SLC8A1: variants seen among roughly 807,000 people sequenced by gnomAD.
The protein encoded by SLC8A1 is solute carrier family 8 member A1.
SLC8A1 carries 18 observed loss-of-function variants against 68.3 expected under a neutral mutation model. That is an observed-to-expected ratio of 0.26 (90% confidence interval 0.18 to 0.39). The LOEUF (loss-of-function observed/expected upper bound fraction) is 0.39, where lower values mean the gene tolerates loss of function less well. Ranked by LOEUF, SLC8A1 falls within the 10% of genes least tolerant of loss-of-function variation. The probability of loss-of-function intolerance (pLI) is 1.00; values close to 1 mark genes in which losing one functional copy is unlikely to be tolerated. For synonymous variants in SLC8A1, 475 were observed against 415.5 expected (o/e 1.14, Z -1.74); for missense variants, 985 against 1,156.7 (o/e 0.85, Z 2.15).
At chr2:40,170,224 T>TAACA in intron 4 of SLC8A1, 57 bp downstream of exon 7, 1 of 1,461,968 alleles carries the variant, frequency 6.8e-7, no homozygotes, top group Non-Finnish European at 9.6e-7. Flanking sequence ...GTAATGTCTC[T>TAACA]AACATTAAAG....
intron 6 of SLC8A1, among the ~76,000 whole-genome samples, chr2:40,149,202 G>T (rs1024861062): frequency 1.3e-5 from 2 of 152,180 alleles, no homozygotes; most frequent in African/African-American, 4.8e-5. Flanking sequence ...GGAATGGGAT[G>T]GTTGGAAGAC....
rs554035090 is a variant in SLC8A1 at position 40,296,045 on chromosome 2, T to C, written c.1809-118190A>G. On this transcript the variant is annotated intron_variant, in intron 2 of 7. Transcript: ENST00000406785. ...TTGTGTTTATTGTCTATAGAGCTTG[T>C]TATTGCTCTTGGGTTTTTGGCTACA... Among the ~76,000 whole-genome samples the C allele has an allele frequency of 3.9e-5, 6 of 152,274 alleles. No individual in the cohort carries two copies. The South Asian group carries it at 1.2e-3, about 32-fold the overall frequency.
rs72558063 is a variant in SLC8A1, at chr2:40,178,620, C to T, written c.1809-765G>A. On this transcript the variant is annotated intron_variant, in intron 2 of 7. Coordinates refer to ENST00000406785, the Ensembl canonical transcript of SLC8A1. ...AAACAGTAATCGAGAAACTTCTGTA[C>T]TGTGAGTTTTTTCTTCAAGAATGGG... The T allele has an allele frequency of 5.2e-3, 3,919 of 756,490 alleles. 168 individuals carry two copies. The East Asian group carries it at 0.091, about 18-fold the overall frequency. 46.9% of individuals were successfully genotyped at this position (756,490 alleles called of 1,614,324 possible).
intron 2 of SLC8A1, among the ~76,000 whole-genome samples, chr2:40,357,257 C>T (rs1475590093): frequency 3.3e-5 from 5 of 151,970 alleles, no homozygotes; most frequent in East Asian, 1.9e-4. Flanking sequence ...TTTGGGAGGC[C>T]GAAGCAGGAG....
chr2:40,160,686 TA>T, intron 6 of SLC8A1, 78 bp downstream of exon 9: 1 of 1,278,356 alleles, frequency 7.8e-7, no homozygotes, highest in Admixed American at 1.7e-5. Context: ...TGCTTTGCCA[TA>T]GACCAAGTAG....
intron 1 of SLC8A1, among the ~76,000 whole-genome samples, chr2:40,490,088 A>G (rs1002736047): frequency 6.6e-6 from 1 of 152,118 alleles, no homozygotes; most frequent in Non-Finnish European, 1.5e-5. Flanking sequence ...AAGCATATGT[A>G]AGATTTTCTT....
intron 1 of SLC8A1, among the ~76,000 whole-genome samples, chr2:40,433,986 G>C (rs1698906942): frequency 6.6e-6 from 1 of 152,146 alleles, no homozygotes; most frequent in African/African-American, 2.4e-5. Context: ...CATGTTCCTA[G>C]AGACAGCTGC....
At chr2:40,248,922 G>A (rs2062294127) in intron 2 of SLC8A1, among the ~76,000 whole-genome samples, 1 of 152,154 alleles carries the variant, frequency 6.6e-6, no homozygotes, top group Non-Finnish European at 1.5e-5. Context: ...CAAACAAAAA[G>A]TCTTCACCTC....
intron 2 of SLC8A1, among the ~76,000 whole-genome samples, chr2:40,374,789 T>C (rs1679267879): frequency 6.6e-6 from 1 of 152,078 alleles, no homozygotes; most frequent in Non-Finnish European, 1.5e-5. Context: ...CACATGGTGA[T>C]AATAAACCAT....
intron 1 of SLC8A1, among the ~76,000 whole-genome samples, chr2:40,501,516 G>T (rs1199182620): frequency 2.0e-5 from 3 of 152,046 alleles, no homozygotes; most frequent in Non-Finnish European, 4.4e-5. Flanking sequence ...TGACCTGTAT[G>T]CTTCTTTTGA....
intron 2 of SLC8A1, among the ~76,000 whole-genome samples, chr2:40,347,195 T>G (rs1186101055): frequency 6.6e-6 from 1 of 152,162 alleles, no homozygotes; most frequent in Non-Finnish European, 1.5e-5. Context: ...ACTGCAGTGG[T>G]GCAATCATAG....
At chr2:40,218,667 A>G (rs2057856934) in intron 2 of SLC8A1, among the ~76,000 whole-genome samples, 5 of 152,166 alleles carry the variant, frequency 3.3e-5, no homozygotes. Flanking sequence ...ATGATTATAA[A>G]TGATTACATT....
chr2:40,164,328 C>T (rs1454919062), intron 5 of SLC8A1, among the ~76,000 whole-genome samples: 1 of 152,204 alleles, frequency 6.6e-6, no homozygotes, highest in Non-Finnish European at 1.5e-5. Flanking sequence ...AGGCACTCTG[C>T]ATTCGGTATA....
chr2:40,462,001 CTTTTTTTTTTT>C (rs370223854), intron 1 of SLC8A1, among the ~76,000 whole-genome samples: 9 of 66,176 alleles, frequency 1.4e-4, no homozygotes, highest in African/African-American at 2.4e-4. Flanking sequence ...TAAAATCCTC[CTTTTTTTTTTT>C]TTTTTTTTTT....
chr2:40,160,888 A>G (rs1368384125), intron 5 of SLC8A1, 24 bp from the exon 9 acceptor site: 2 of 1,572,826 alleles, frequency 1.3e-6, no homozygotes, highest in Admixed American at 3.3e-5. Context: ...AAAGAAAAAT[A>G]TAAATGCTGG....
At chr2:40,251,337 GTGGC>G (rs2062718123) in intron 2 of SLC8A1, 1 of 152,190 alleles carries the variant, frequency 6.6e-6, no homozygotes, top group Admixed American at 6.5e-5. Flanking sequence ...ACAAAGAGAA[GTGGC>G]TGGCTGGCAA....
chr2:40,475,770 G>A (rs1704265311), intron 1 of SLC8A1, among the ~76,000 whole-genome samples: 1 of 151,842 alleles, frequency 6.6e-6, no homozygotes, highest in Admixed American at 6.6e-5. Context: ...ACACTTTTGA[G>A]AACTTCCATC....
chr2:40,382,987 T>A (rs889719277), intron 2 of SLC8A1, among the ~76,000 whole-genome samples: 1 of 152,122 alleles, frequency 6.6e-6, no homozygotes, highest in Non-Finnish European at 1.5e-5. Context: ...ATACACAACC[T>A]GTCTTATGGC....
At chr2:40,281,161 A>G (rs541436776) in intron 2 of SLC8A1, among the ~76,000 whole-genome samples, 7 of 152,240 alleles carry the variant, frequency 4.6e-5, no homozygotes, top group Admixed American at 2.6e-4. Context: ...GCACTTATTA[A>G]CAAACGGAGT....
Sources: gnomAD v4.1 joint callset for allele counts (sites outside exome capture counted in the v4.1 genomes callset) on GRCh38, gnomAD v4.1.1 for gene constraint, MANE v1.5 for transcripts, NCBI Gene and HGNC (gene_info 2026-07-23, HGNC 2026-07-21) for gene names.